HOOK3: variants seen among roughly 807,000 people sequenced by gnomAD.
HOOK3 encodes the protein hook microtubule tethering protein 3.
In HOOK3, 24 loss-of-function variants were observed where a neutral mutation model predicts 116.3. That is an observed-to-expected ratio of 0.21 (90% CI 0.15 to 0.29). HOOK3 has a LOEUF of 0.29. HOOK3 is among the 10% of genes least tolerant of loss of function. The pLI, the probability that HOOK3 is intolerant of heterozygous loss-of-function variation, is 1.00. For synonymous variants in HOOK3, 275 were observed against 283.0 expected (o/e 0.97, Z 0.28); for missense variants, 632 against 830.2 (o/e 0.76, Z 2.93).
chr8:43,003,640 G>A (rs75719347), intron 17 of HOOK3, among the ~76,000 whole-genome samples: 7,205 of 152,218 alleles, frequency 0.047, 342 homozygotes, highest in African/African-American at 0.12. Flanking sequence ...GTTTATGGCA[G>A]CATAAATTTA....
At chr8:42,943,160 A>G (rs569600600) in intron 4 of HOOK3, among the ~76,000 whole-genome samples, 153 bp from the exon 5 acceptor site, 9 of 152,086 alleles carry the variant, frequency 5.9e-5, no homozygotes, top group African/African-American at 1.7e-4. Flanking sequence ...TGATTTAGGT[A>G]TGGGAGGTAG....
chr8:43,020,358 C>T lies in HOOK3; in HGVS notation c.*1860C>T, dbSNP rs1256668288. ...AGTTTCCAAAGTAAAAGATTAAAAA[C>T]TTTCAGACGGTTCTTACCTCTACCC... On this transcript the variant is annotated 3_prime_UTR_variant, in exon 22 of 22. Transcript: ENST00000307602. 7.2e-5 allele frequency: 14 copies of T among 194,072 alleles called. No individual in the cohort carries two copies. The highest frequency in any genetic ancestry group is 9.7e-5 in the Non-Finnish European group (9 of 93,228). 12.0% of individuals were successfully genotyped at this position (194,072 alleles called of 1,614,324 possible). A position where few individuals can be genotyped will look rare whatever the true frequency, so the allele number is the denominator to read the frequency against.
chr8:42,959,718 G>GAAAAAAAAAAAAAAAAAAAAAA (rs529721762), intron 8 of HOOK3, among the ~76,000 whole-genome samples: 1 of 29,042 alleles, frequency 3.4e-5, no homozygotes. Context: ...GACTACATCT[G>GAAAAAAAAAAAAAAAAAAAAAA]AAAAAAAAAA....
chr8:43,002,991 A>T (rs1294110438), intron 17 of HOOK3, among the ~76,000 whole-genome samples: 1 of 152,200 alleles, frequency 6.6e-6, no homozygotes, highest in African/African-American at 2.4e-5. Context: ...CATGAAGAAG[A>T]AGTCTTCTCT....
intron 4 of HOOK3, among the ~76,000 whole-genome samples, chr8:42,931,722 G>T (rs1274748897): frequency 5.3e-5 from 8 of 151,286 alleles, no homozygotes; most frequent in Admixed American, 6.6e-5. Context: ...ATGAGCCACC[G>T]CACCTTCCCT....
In HOOK3 at chr8:42,949,914, T is replaced by TA. The variant is rs780185216; in HGVS notation, c.401-459dup. On this transcript the variant is annotated intron_variant, in intron 5 of 21. Coordinates refer to ENST00000307602, the MANE Select transcript of HOOK3 (RefSeq NM_032410.4). ...CCTGGCGACAGAGTGAGACTCTGTC[T>TA]AAAAAAAAAAAAAAAGGAAATATTA... 4.6e-3 allele frequency among the ~76,000 whole-genome samples: 572 copies of TA among 123,018 alleles called. 1 individual carries two copies. Among genetic ancestry groups the TA allele is most frequent in the African/African-American group, 9.0e-3 (298 of 33,136 alleles). 80.7% of individuals were successfully genotyped at this position (123,018 alleles called of 152,430 possible).
At position 43,024,600 on chromosome 8, in the gene HOOK3, G is replaced by GT. The variant is rs56772455; in HGVS notation, c.*6108dup. 0.032 allele frequency: 5,954 copies of GT among 185,032 alleles called. 140 individuals carry two copies. Among genetic ancestry groups the GT allele is most frequent in the Middle Eastern group, 0.063 (30 of 478 alleles). The allele number at this position is 185,032 out of a possible 1,614,324, so 11.5% of individuals were successfully genotyped here. ...TGATTTGAATGTTTTATATCATGAA[G>GT]TTTTTTCTATGAGGAAGGCTATTCT... On this transcript the variant is annotated 3_prime_UTR_variant, in exon 22 of 22. Transcript: ENST00000307602.
At chr8:42,958,947 TA>T (rs1808487675) in intron 7 of HOOK3, among the ~76,000 whole-genome samples, 1 of 152,122 alleles carries the variant, frequency 6.6e-6, no homozygotes, top group African/African-American at 2.4e-5. Context: ...GAATTATCCT[TA>T]CCAAGAACCA....
At chr8:42,910,555 C>T (rs2130330941) in intron 2 of HOOK3, among the ~76,000 whole-genome samples, 1 of 152,280 alleles carries the variant, frequency 6.6e-6, no homozygotes, top group South Asian at 2.1e-4. Flanking sequence ...TTAGTTTTGC[C>T]TGTTGTTGAA....
Position 43,018,563 on chromosome 8 carries a change from A to G in HOOK3, c.*65A>G, listed in dbSNP as rs1809765191. On this transcript the variant is annotated 3_prime_UTR_variant, in exon 22 of 22. Transcript: ENST00000307602. ...ACATACTTCTGTTACACACAAGAACATTTCAGGAAACTCAGCCAGCTTATT... is the reference window on the plus strand; with the variant it reads ...ACATACTTCTGTTACACACAAGAACGTTTCAGGAAACTCAGCCAGCTTATT... The G allele has an allele frequency of 5.0e-6, 7 of 1,412,866 alleles. No homozygotes were observed. Among genetic ancestry groups the G allele is most frequent in the Admixed American group, 5.3e-5 (2 of 37,982 alleles). The allele number at this position is 1,412,866 out of a possible 1,614,324, so 87.5% of individuals were successfully genotyped here.
chr8:42,923,607 A>G (rs982124278), intron 2 of HOOK3, among the ~76,000 whole-genome samples: 8 of 152,224 alleles, frequency 5.3e-5, no homozygotes, highest in Non-Finnish European at 1.2e-4. Flanking sequence ...AATGTCCAGG[A>G]TAGACAAATT....
intron 18 of HOOK3, 35 bp from the exon 19 acceptor site, chr8:43,010,270 C>T (rs1259662066): frequency 8.3e-6 from 4 of 480,522 alleles, no homozygotes; most frequent in Non-Finnish European, 1.3e-5. Context: ...TATATATTAT[C>T]TAAATATATA....
chr8:43,024,280 G>T lies in HOOK3; in HGVS notation c.*5782G>T. 5.0e-6 allele frequency: 1 copy of T among 201,006 alleles called. No individual in the cohort carries two copies. Among genetic ancestry groups the T allele is most frequent in the Non-Finnish European group, 1.0e-5 (1 of 97,652 alleles). 12.5% of individuals were successfully genotyped at this position (201,006 alleles called of 1,614,324 possible). A position where few individuals can be genotyped will look rare whatever the true frequency, so the allele number is the denominator to read the frequency against. ...ATGAAGGGATTCTTTGCCTAGCAGT[G>T]GCCGTCAAACTGATGTAGCATTGTA... On this transcript the variant is annotated 3_prime_UTR_variant, in exon 22 of 22. Transcript: ENST00000307602.
chr8:42,904,282 C>T (rs1212248385), intron 1 of HOOK3, among the ~76,000 whole-genome samples: 1 of 151,322 alleles, frequency 6.6e-6, no homozygotes, highest in Non-Finnish European at 1.5e-5. Context: ...TCCACTCCTT[C>T]CTTCATACTG....
At chr8:42,970,563 TATTTC>T (rs965670931) in intron 11 of HOOK3, among the ~76,000 whole-genome samples, 1 of 152,190 alleles carries the variant, frequency 6.6e-6, no homozygotes, top group African/African-American at 2.4e-5. Flanking sequence ...ATTTTGTGCA[TATTTC>T]ATTGTAGTTA....
intron 12 of HOOK3, among the ~76,000 whole-genome samples, chr8:42,973,849 A>G (rs149379786): frequency 2.6e-5 from 4 of 152,342 alleles, no homozygotes; most frequent in African/African-American, 9.6e-5. Context: ...ATTAGTTACT[A>G]ATTGTTAAAG....
intron 5 of HOOK3, among the ~76,000 whole-genome samples, 178 bp downstream of exon 5, chr8:42,943,623 A>C (rs1648119): frequency 0.13 from 19,327 of 152,220 alleles, 2,065 homozygotes; most frequent in African/African-American, 0.27. Context: ...TGAATTTTGC[A>C]CATTAAAATA....
At chr8:43,002,210 C>G in intron 17 of HOOK3, 69 bp downstream of exon 17, 1 of 1,213,408 alleles carries the variant, frequency 8.2e-7, no homozygotes, top group Non-Finnish European at 1.2e-6. Flanking sequence ...TAGGTAGTTA[C>G]GGTGTGTCTG....
chr8:42,947,931 A>C (rs1808266335), intron 5 of HOOK3, among the ~76,000 whole-genome samples: 1 of 152,108 alleles, frequency 6.6e-6, no homozygotes, highest in Non-Finnish European at 1.5e-5. Flanking sequence ...TGTGTTTCCT[A>C]ATTAGAAGAA....
Sources: allele counts gnomAD v4.1 joint callset (sites outside exome capture counted in the v4.1 genomes callset), GRCh38; gene constraint gnomAD v4.1.1; transcripts MANE v1.5; gene names NCBI Gene and HGNC (gene_info 2026-07-23, HGNC 2026-07-21).